Variants in WNT5B observed in about 807,000 individuals in gnomAD.
WNT5B encodes protein Wnt-5b.
WNT5B carries 18 observed loss-of-function variants against 36.5 expected under a neutral mutation model. The ratio of observed to expected loss-of-function variants is 0.49; its 90% CI spans 0.34 to 0.73. The LOEUF is 0.73. WNT5B is among the 30% of genes least tolerant of loss of function. The pLI, the probability that WNT5B is intolerant of heterozygous loss-of-function variation, is 0.01. For missense variants in WNT5B, 424 were observed against 508.4 expected, an observed-to-expected ratio of 0.83 and a Z score of 1.60; for synonymous variants, 213 against 212.3, an observed-to-expected ratio of 1.00 and a Z score of -0.03.
chr12:1,621,472 G>A (rs1428511418), intron 1 of WNT5B, among the ~76,000 whole-genome samples: 3 of 152,156 alleles, frequency 2.0e-5, no homozygotes, highest in Non-Finnish European at 4.4e-5. Context: ...CCAGAAACTG[G>A]AAGCATGTCA....
chr12:1,628,895 G>A (rs1231257034), upstream of WNT5B, among the ~76,000 whole-genome samples: 12 of 152,148 alleles, frequency 7.9e-5, 1 homozygote, highest in South Asian at 2.5e-3. Context: ...GACAGAGAGC[G>A]TCCTGAGGGG....
chr12:1,639,611 G>A, intron 3 of WNT5B, 73 bp from the exon 4 acceptor site: 1 of 1,422,254 alleles, frequency 7.0e-7, no homozygotes, highest in Non-Finnish European at 9.1e-7. Context: ...GGTCCGTCGG[G>A]GGAGACGGGG....
At chr12:1,622,587 G>T (rs1467705477) in intron 1 of WNT5B, among the ~76,000 whole-genome samples, 1 of 152,164 alleles carries the variant, frequency 6.6e-6, no homozygotes, top group African/African-American at 2.4e-5. Flanking sequence ...TATGGAAGTC[G>T]AAGGGACTCT....
chr12:1,640,603 C>A (rs994312670), intron 4 of WNT5B, among the ~76,000 whole-genome samples: 18 of 152,234 alleles, frequency 1.2e-4, no homozygotes, highest in Non-Finnish European at 1.0e-4. Context: ...TCAGTTTCAG[C>A]AGAAGCAACC....
rs114906056 is a variant in WNT5B at position 1,632,561 on chromosome 12, G to A, written c.81-97G>A. 95 of 1,462,504 alleles carry A rather than the reference G, an allele frequency of 6.5e-5. No homozygotes were observed. In the African/African-American group the frequency reaches 8.3e-4, roughly 13 times the overall value. 90.6% of individuals were successfully genotyped at this position (1,462,504 alleles called of 1,614,324 possible). On this transcript the variant is annotated intron_variant, in intron 2 of 4. Transcript: ENST00000397196. This position sits in a 1 kb window ranked among gnomAD's most constrained non-coding sequence, Gnocchi z 5.8. ...TTTCCAGGGCCTTGTACACAGGGAC[G>A]CATTCAATAAATGTGTTGAATGAAT...
chr12:1,617,918 T>C (rs956532988), intron 1 of WNT5B, among the ~76,000 whole-genome samples: 1 of 152,056 alleles, frequency 6.6e-6, no homozygotes, highest in Non-Finnish European at 1.5e-5. Context: ...GAGGGAGGAT[T>C]GCTTGAGGCC....
At chr12:1,622,173 T>A (rs537544918) in intron 1 of WNT5B, among the ~76,000 whole-genome samples, 1 of 147,020 alleles carries the variant, frequency 6.8e-6, no homozygotes, top group Non-Finnish European at 1.5e-5. Context: ...TGCAGTGGCG[T>A]GATCTCGGCT....
At chr12:1,642,373 G>T (rs923269036) in intron 4 of WNT5B, among the ~76,000 whole-genome samples, 2 of 152,184 alleles carry the variant, frequency 1.3e-5, no homozygotes, top group Admixed American at 1.3e-4. Flanking sequence ...CCCATTGTTA[G>T]TAGTTTTTCT....
intron 3 of WNT5B, among the ~76,000 whole-genome samples, chr12:1,637,581 CAAAAAAAAAAA>C (rs61542245): frequency 9.1e-6 from 1 of 110,400 alleles, no homozygotes. Context: ...ACTAAACATA[CAAAAAAAAAAA>C]AAAAAAAACT....
At chr12:1,623,548 A>G (rs1253383864) in intron 1 of WNT5B, among the ~76,000 whole-genome samples, 1 of 152,090 alleles carries the variant, frequency 6.6e-6, no homozygotes, top group East Asian at 1.9e-4. Flanking sequence ...AGCTTTGAAC[A>G]GAGCTCCTCG....
rs2094529592 is a variant in WNT5B, at chr12:1,618,270, GAC to G, written c.-58+1131_-58+1132del. ...GTAGTACCTCTACTTGGTAGCACAA[GAC>G]ACATTTTTATTCTAATTAGCGCATG... On this transcript the variant is annotated intron_variant, in intron 1 of 4. Transcript: ENST00000310594. This position sits in a 1 kb window ranked among gnomAD's most constrained non-coding sequence, Gnocchi z 4.1. Among the ~76,000 whole-genome samples, 1 of 152,198 alleles carries G rather than the reference GAC, an allele frequency of 6.6e-6. No homozygotes were observed. Among genetic ancestry groups the G allele is most frequent in the African/African-American group, 2.4e-5 (1 of 41,448 alleles).
intron 4 of WNT5B, among the ~76,000 whole-genome samples, chr12:1,641,216 C>T (rs918276797): frequency 3.3e-5 from 5 of 151,984 alleles, no homozygotes; most frequent in Non-Finnish European, 7.4e-5. Context: ...GAAACCCTGT[C>T]TCTACTAAAA....
chr12:1,639,973 C>T lies in WNT5B; in HGVS notation c.618C>T (p.Arg206=), dbSNP rs1467065659. ...ACCTGCAAAACAACGAGGCCGGTCG[C>T]AGGGTAAGCTGGGCCTCCCCGGCCT... ...LMNLQNNEAG[R]RAVYKMADVA... The change falls in exon 4 of 5, where the codon CGC becomes CGT. Residue 206 remains arginine (R), a synonymous_variant. Coordinates refer to ENST00000397196, the MANE Select transcript of WNT5B (RefSeq NM_032642.3). The T allele has an allele frequency of 3.1e-6, 5 of 1,610,890 alleles. No homozygotes were observed. Among genetic ancestry groups the T allele is most frequent in the Non-Finnish European group, 4.2e-6 (5 of 1,178,826 alleles).
Position 1,646,184 on chromosome 12 carries a change from T to C in WNT5B, c.1012T>C (p.Phe338Leu), listed in dbSNP as rs1163088212. The change falls in exon 5 of 5, where the codon TTC (phenylalanine) becomes CTC (leucine). Residue 338 changes from phenylalanine to leucine, a missense_variant. Transcript: ENST00000397196. ...SVQVERCHCKFHWCCFVRCKK... is the reference protein window; with the variant it reads ...SVQVERCHCKLHWCCFVRCKK... ...GCAGGTGGAGCGCTGCCACTGCAAG[T>C]TCCACTGGTGCTGCTTCGTCAGGTG... 1 of 1,613,752 alleles carries C rather than the reference T, an allele frequency of 6.2e-7. No individual in the cohort carries two copies. Among genetic ancestry groups the C allele is most frequent in the South Asian group, 1.1e-5 (1 of 91,086 alleles).
At chr12:1,637,227 T>G (rs1466396068) in intron 3 of WNT5B, among the ~76,000 whole-genome samples, 2 of 152,290 alleles carry the variant, frequency 1.3e-5, no homozygotes, top group South Asian at 4.1e-4. Flanking sequence ...TGATGGATAG[T>G]TTGGTTGTTT....
In WNT5B at chr12:1,639,728, G is replaced by T; in HGVS notation, c.373G>T (p.Val125Leu). ...AFTHAVSAAG[V>L]VNAISRACRE... ...CACCCACGCGGTGAGCGCCGCGGGCGTGGTCAACGCCATCAGCCGGGCCTG... is the reference window on the plus strand; with the variant it reads ...CACCCACGCGGTGAGCGCCGCGGGCTTGGTCAACGCCATCAGCCGGGCCTG... Residue 125 changes from valine (V) to leucine (L), a missense_variant, in exon 4 of 5, where the codon GTG becomes TTG. By Grantham distance (32) the Val-to-Leu change is conservative. Transcript: ENST00000397196. 6.3e-7 allele frequency: 1 copy of T among 1,597,494 alleles called. No individual in the cohort carries two copies.
intron 3 of WNT5B, among the ~76,000 whole-genome samples, chr12:1,638,199 T>C (rs780640126): frequency 3.9e-5 from 6 of 152,310 alleles, no homozygotes; most frequent in Non-Finnish European, 8.8e-5. Flanking sequence ...TGAGCCGAGA[T>C]TGTGCTACTG....
intron 3 of WNT5B, among the ~76,000 whole-genome samples, chr12:1,637,610 C>T (rs564818929): frequency 6.7e-4 from 100 of 149,894 alleles, no homozygotes; most frequent in Non-Finnish European, 1.1e-3. Flanking sequence ...ACTAGCCAGG[C>T]GCGGTGGCAG....
upstream of WNT5B, among the ~76,000 whole-genome samples, chr12:1,627,936 T>C (rs932044907): frequency 6.6e-6 from 1 of 152,198 alleles, no homozygotes; most frequent in Non-Finnish European, 1.5e-5. The surrounding 1 kb of genome is among the most constrained non-coding windows in gnomAD (Gnocchi z 5.0). Context: ...GCCATGTCTC[T>C]GGCACTTAGA....
Sources: allele counts gnomAD v4.1 joint callset (sites outside exome capture counted in the v4.1 genomes callset), GRCh38; gene constraint gnomAD v4.1.1; non-coding constraint Gnocchi (gnomAD v3.1); transcripts MANE v1.5; gene names NCBI Gene and HGNC (gene_info 2026-07-23, HGNC 2026-07-21).